HDAC7: variants seen among roughly 807,000 people sequenced by gnomAD.
HDAC7 encodes histone deacetylase 7A.
HDAC7 carries 26 observed loss-of-function variants against 115.5 expected under a neutral mutation model. The observed-to-expected ratio is 0.23, with a 90% CI of 0.16 to 0.31. HDAC7 has a LOEUF of 0.31. Among genes scored for constraint, HDAC7 ranks in the 10% least tolerant of loss-of-function variants. HDAC7 has a pLI of 1.00. For synonymous variants in HDAC7, 564 were observed against 550.9 expected (o/e 1.02, Z -0.33); for missense variants, 1,068 against 1,329.0 (o/e 0.80, Z 3.05).
intron 1 of HDAC7, among the ~76,000 whole-genome samples, chr12:47,810,638 G>A (rs909263364): frequency 6.6e-5 from 10 of 152,084 alleles, no homozygotes; most frequent in Non-Finnish European, 1.3e-4. Context: ...GCTGCCTCCA[G>A]CAGGGTATAA....
At chr12:47,794,739 G>A in intron 12 of HDAC7, 21 bp downstream of exon 12, 1 of 1,547,194 alleles carries the variant, frequency 6.5e-7, no homozygotes, top group Non-Finnish European at 8.7e-7. Context: ...CTTTCTGAGG[G>A]GCAGGTGGGG....
At position 47,785,433 on chromosome 12, in the gene HDAC7, G is replaced by A. The variant is rs771402475; in HGVS notation, c.2745C>T (p.Pro915=). The change falls in exon 24 of 26, where the codon CCC becomes CCT. Residue 915 remains proline (P), a synonymous_variant. Coordinates refer to ENST00000080059, the MANE Select transcript of HDAC7 (RefSeq NM_015401.5). ...CCAGAGAGCGGATGGCATTGAGGTT[G>A]GGTTTCTGTTTCCAGCCTTCTTCTG... is the stretch of plus-strand genomic sequence containing the variant. The part of the protein sequence containing the change: ...PLSEEGWKQK[P]NLNAIRSLEA... 1.9e-6 allele frequency: 3 copies of A among 1,613,074 alleles called. No homozygotes were observed. The highest frequency in any genetic ancestry group is 1.7e-6 in the Non-Finnish European group (2 of 1,179,686).
rs1943979261 is a variant in HDAC7 at position 47,798,328 on chromosome 12, TC to T, written c.350-110del. 1.0e-6 allele frequency: 1 copy of T among 971,724 alleles called. No homozygotes were observed. The highest frequency in any genetic ancestry group is 1.6e-6 in the Non-Finnish European group (1 of 616,470). The allele number at this position is 971,724 out of a possible 1,614,324, so 60.2% of individuals were successfully genotyped here. ...CCTCAGTAGGAGGCGTCCCAGGGACTCCCTAGGCAAGAGCCAAGCCCGAGGC... is the reference window on the plus strand; with the variant it reads ...CCTCAGTAGGAGGCGTCCCAGGGACTCCTAGGCAAGAGCCAAGCCCGAGGC... On this transcript the variant is annotated intron_variant, in intron 4 of 25. Coordinates refer to ENST00000080059, the MANE Select transcript of HDAC7 (RefSeq NM_015401.5). The surrounding 1 kb of genome is among the most constrained non-coding windows in gnomAD (Gnocchi z 4.3).
rs1246367497 is a variant in HDAC7 at position 47,794,820 on chromosome 12, C to G, written c.1398G>C (p.Arg466Ser). 2.5e-6 allele frequency: 4 copies of G among 1,613,182 alleles called. No individual in the cohort carries two copies. Among genetic ancestry groups the G allele is most frequent in the Middle Eastern group, 1.7e-4 (1 of 6,052 alleles). Residue 466 changes from arginine (R) to serine (S), a missense_variant, in exon 12 of 26, where the codon AGG becomes AGC. Around this residue, in one of 6 missense-constraint regions of HDAC7, gnomAD observed 618 missense variants for 701.5 expected, o/e 0.88. Coordinates refer to ENST00000080059, the MANE Select transcript of HDAC7 (RefSeq NM_015401.5). Reference sequence around the variant, plus strand: ...CCTCAGGCTGCCCATGGCCCAGCTCCCTGTGCTCCAGGCCATCGTCCACCA... The same window carrying G: ...CCTCAGGCTGCCCATGGCCCAGCTCGCTGTGCTCCAGGCCATCGTCCACCA... Reference protein sequence around the residue: ...GQVVDDGLEHRELGHGQPEAR... With the variant: ...GQVVDDGLEHSELGHGQPEAR...
chr12:47,791,801 G>GCCCCCCCCCCCCCCCCCCCCCCCC, intron 14 of HDAC7, 70 bp downstream of exon 14: 2 of 1,511,072 alleles, frequency 1.3e-6, no homozygotes, highest in Non-Finnish European at 1.8e-6. Flanking sequence ...GGGCCCCAGG[G>GCCCCCCCCCCCCCCCCCCCCCCCC]CCCCCCACCC....
At chr12:47,802,422 C>G (rs748367446) in intron 1 of HDAC7, 148 bp from the exon 2 acceptor site, 1 of 1,544,462 alleles carries the variant, frequency 6.5e-7, no homozygotes, top group Non-Finnish European at 8.8e-7. Context: ...CTAATCAAAA[C>G]GAGAAGACCC....
At chr12:47,799,945 C>T (rs573637888) in intron 2 of HDAC7, among the ~76,000 whole-genome samples, 1 of 152,298 alleles carries the variant, frequency 6.6e-6, no homozygotes, top group South Asian at 2.1e-4. Flanking sequence ...GAGAAGCCTT[C>T]CTGGAGAGGC....
At chr12:47,801,479 T>G (rs1167828062) in intron 2 of HDAC7, among the ~76,000 whole-genome samples, 1 of 152,200 alleles carries the variant, frequency 6.6e-6, no homozygotes, top group Non-Finnish European at 1.5e-5. Context: ...TTCTATTTTT[T>G]TTCGCTTTGT....
intron 24 of HDAC7, 34 bp from the exon 25 acceptor site, chr12:47,784,251 G>A (rs1363941825): frequency 6.3e-7 from 1 of 1,592,042 alleles, no homozygotes; most frequent in Non-Finnish European, 8.6e-7. Context: ...AAGGGTTGGA[G>A]AAAGCAAGCC....
chr12:47,797,180 C>A lies in HDAC7; in HGVS notation c.578-38G>T. On this transcript the variant is annotated intron_variant, in intron 6 of 25. Transcript: ENST00000080059. The surrounding 1 kb of genome is among the most constrained non-coding windows in gnomAD (Gnocchi z 5.5). ...CCAGCGTCACTCAGGCCCCCACCACCCTTCTTTTTTCCACCCTTTAACCCC... is the reference window on the plus strand; with the variant it reads ...CCAGCGTCACTCAGGCCCCCACCACACTTCTTTTTTCCACCCTTTAACCCC... The A allele has an allele frequency of 6.4e-7, 1 of 1,561,846 alleles. No homozygotes were observed. The highest frequency in any genetic ancestry group is 1.2e-5 in the South Asian group (1 of 83,058).
intron 22 of HDAC7, among the ~76,000 whole-genome samples, chr12:47,786,263 G>A (rs1362118927): frequency 1.3e-5 from 2 of 152,336 alleles, no homozygotes; most frequent in East Asian, 3.9e-4. Context: ...CTCTGGAGGA[G>A]CTGCCAGCCC....
intron 1 of HDAC7, chr12:47,813,168 C>G (rs992634940): frequency 2.6e-5 from 4 of 152,306 alleles, no homozygotes; most frequent in African/African-American, 9.7e-5. Context: ...CTCCAGCTCC[C>G]CCTTGCCTGG....
chr12:47,788,005 G>A (rs1366527747), intron 20 of HDAC7, 40 bp downstream of exon 20: 2 of 1,596,304 alleles, frequency 1.3e-6, no homozygotes, highest in African/African-American at 2.7e-5. Context: ...TCAGGAGGAG[G>A]TCAATGAGGC....
chr12:47,791,174 C>G, intron 16 of HDAC7, 85 bp downstream of exon 16: 2 of 1,292,500 alleles, frequency 1.5e-6, no homozygotes, highest in Non-Finnish European at 2.2e-6. Context: ...AGCAGAGGTT[C>G]TGCAGGGGCT....
rs74873798 is a variant in HDAC7 at position 47,816,367 on chromosome 12, T to G, written c.19+3400A>C. Among the ~76,000 whole-genome samples the G allele has an allele frequency of 2.1e-3, 326 of 152,204 alleles. 8 individuals are homozygous for G. The East Asian group carries it at 0.053, about 25-fold the overall frequency. On this transcript the variant is annotated intron_variant, in intron 1 of 25. Coordinates refer to ENST00000080059, the MANE Select transcript of HDAC7 (RefSeq NM_015401.5). The stretch of plus-strand genomic sequence containing the variant: ...AAAAACATGTCCATACATATGGACA[T>G]GTTTACCCCACACAGGGCCATAACC...
At position 47,803,364 on chromosome 12, in the gene HDAC7, A is replaced by G. The variant is rs1944255651; in HGVS notation, c.20-1090T>C. ...TTGGGTCTGTGTCTCAGAGGCAGCC[A>G]CAGTTCCTCTTCAGAGCCGAGAAAT... On this transcript the variant is annotated intron_variant, in intron 1 of 25. Coordinates refer to ENST00000080059, the MANE Select transcript of HDAC7 (RefSeq NM_015401.5). This position sits in a 1 kb window ranked among gnomAD's most constrained non-coding sequence, Gnocchi z 4.0. 6.6e-6 allele frequency among the ~76,000 whole-genome samples: 1 copy of G among 152,182 alleles called. No individual in the cohort carries two copies. Among genetic ancestry groups the G allele is most frequent in the African/African-American group, 2.4e-5 (1 of 41,452 alleles).
chr12:47,784,327 G>T, intron 24 of HDAC7, 110 bp from the exon 25 acceptor site: 1 of 1,246,752 alleles, frequency 8.0e-7, no homozygotes, highest in Non-Finnish European at 1.1e-6. Context: ...CCGGAGGAGC[G>T]GGCCTGTCCT....
intron 1 of HDAC7, 118 bp from the exon 2 acceptor site, chr12:47,802,392 C>A: frequency 6.5e-7 from 1 of 1,534,790 alleles, no homozygotes; most frequent in Non-Finnish European, 8.8e-7. Flanking sequence ...CACGCCAAAG[C>A]CTGGGACCTC....
chr12:47,815,146 T>C (rs1445874525), intron 1 of HDAC7, among the ~76,000 whole-genome samples: 2 of 152,148 alleles, frequency 1.3e-5, no homozygotes, highest in East Asian at 1.9e-4. Context: ...GTTGCCAACA[T>C]TGACCTTTAG....
Sources: allele counts gnomAD v4.1 joint callset (sites outside exome capture counted in the v4.1 genomes callset), GRCh38; gene constraint gnomAD v4.1.1; regional missense constraint gnomAD v4.1.1; non-coding constraint Gnocchi (gnomAD v3.1); transcripts MANE v1.5; gene names NCBI Gene and HGNC (gene_info 2026-07-23, HGNC 2026-07-21).